Variants in MLYCD observed in about 807,000 individuals in gnomAD.
MLYCD encodes malonyl-CoA decarboxylase, mitochondrial.
Under a neutral mutation model 35.8 loss-of-function variants are expected in MLYCD, and 27 were observed. That is an observed-to-expected ratio of 0.75 (90% CI 0.56 to 1.04). MLYCD has a LOEUF of 1.04. Ranked by LOEUF, MLYCD falls within the 50% of genes least tolerant of loss-of-function variation. The probability of loss-of-function intolerance (pLI) is 0.00; values close to 1 mark genes in which losing one functional copy is unlikely to be tolerated. For synonymous variants in MLYCD, 403 were observed against 302.4 expected (o/e 1.33, Z -3.45); for missense variants, 917 against 665.1 (o/e 1.38, Z -4.17).
At chr16:83,910,772 A>T (rs1043420973) in intron 3 of MLYCD, among the ~76,000 whole-genome samples, 1 of 151,718 alleles carries the variant, frequency 6.6e-6, no homozygotes, top group African/African-American at 2.4e-5. Flanking sequence ...GAGCTCTTCC[A>T]TAGAGCACGG....
In MLYCD at chr16:83,902,581, T is replaced by A. The variant is rs147385404; in HGVS notation, c.528+2909T>A. 6.0e-3 allele frequency among the ~76,000 whole-genome samples: 900 copies of A among 149,286 alleles called. 14 individuals carry two copies. The highest frequency in any genetic ancestry group is 0.021 in the African/African-American group (856 of 40,834). On this transcript the variant is annotated intron_variant, in intron 1 of 4. Coordinates refer to ENST00000262430, the MANE Select transcript of MLYCD (RefSeq NM_012213.3). ...AGTGCAGCAGCACAATCTCTGCTCA[T>A]TGCAACCTTCGCCTCCCAGGTTCAA...
At position 83,921,871 on chromosome 16, in the gene MLYCD, T is replaced by C. The variant is rs551324198; in HGVS notation, c.*6382T>C. On this transcript the variant is annotated 3_prime_UTR_variant, in exon 5 of 5. Coordinates refer to ENST00000262430, the MANE Select transcript of MLYCD (RefSeq NM_012213.3). The stretch of plus-strand genomic sequence containing the variant: ...GGTCTGAGGGTGATAGGCTACTCAC[T>C]GGGTCCTAGTGTTCTGAACTACACC... 8 of 152,400 alleles carry C rather than the reference T, an allele frequency of 5.2e-5. 1 individual carries two copies. In the East Asian group the frequency reaches 1.4e-3, roughly 26 times the overall value. The allele number at this position is 152,400 out of a possible 1,614,324, so 9.4% of individuals were successfully genotyped here.
chr16:83,924,614 A>C lies in MLYCD; in HGVS notation c.*9125A>C, dbSNP rs1907750801. 1 of 152,198 alleles carries C rather than the reference A, an allele frequency of 6.6e-6. No individual in the cohort carries two copies. Among genetic ancestry groups the C allele is most frequent in the Admixed American group, 6.5e-5 (1 of 15,276 alleles). 9.4% of individuals were successfully genotyped at this position (152,198 alleles called of 1,614,324 possible). A position where few individuals can be genotyped will look rare whatever the true frequency, so the allele number is the denominator to read the frequency against. Reference sequence around the variant, plus strand: ...AGACAGCACCCCCTGAACGTGAGTTACTGCCTCCTTGAGCACTTTCGCAGG... The same window carrying C: ...AGACAGCACCCCCTGAACGTGAGTTCCTGCCTCCTTGAGCACTTTCGCAGG... On this transcript the variant is annotated 3_prime_UTR_variant, in exon 5 of 5. Transcript: ENST00000262430.
At position 83,922,156 on chromosome 16, in the gene MLYCD, C is replaced by T. The variant is rs978171578; in HGVS notation, c.*6667C>T. On this transcript the variant is annotated 3_prime_UTR_variant, in exon 5 of 5. Coordinates refer to ENST00000262430, the MANE Select transcript of MLYCD (RefSeq NM_012213.3). ...GCTGAAGTCACAACCCCACCCCTGC[C>T]ACAGAGCCTGCCCCCCCGAGTGTTC... 1.3e-5 allele frequency: 2 copies of T among 152,382 alleles called. No individual in the cohort carries two copies. The highest frequency in any genetic ancestry group is 2.4e-5 in the African/African-American group (1 of 41,442). The allele number at this position is 152,382 out of a possible 1,614,324, so 9.4% of individuals were successfully genotyped here.
rs753375749 is a variant in MLYCD, at chr16:83,927,027, C to T, written c.*11538C>T. The T allele has an allele frequency of 1.6e-5, 2 of 126,488 alleles. No individual in the cohort carries two copies. Among genetic ancestry groups the T allele is most frequent in the Non-Finnish European group, 3.4e-5 (2 of 58,660 alleles). 7.8% of individuals were successfully genotyped at this position (126,488 alleles called of 1,614,324 possible). A position where few individuals can be genotyped will look rare whatever the true frequency, so the allele number is the denominator to read the frequency against. ...AAAAATAAAAATAAAAAAATAAAAT[C>T]CTAACAGGTAGCATACCTGCACTCG... On this transcript the variant is annotated 3_prime_UTR_variant, in exon 5 of 5. Coordinates refer to ENST00000262430, the MANE Select transcript of MLYCD (RefSeq NM_012213.3).
chr16:83,913,073 G>A (rs1269639403), intron 4 of MLYCD: 1 of 158,896 alleles, frequency 6.3e-6, no homozygotes, highest in Non-Finnish European at 1.4e-5. Flanking sequence ...CTAATGACTG[G>A]CTCTGAGCAG....
At chr16:83,903,150 C>G (rs898081681) in intron 1 of MLYCD, among the ~76,000 whole-genome samples, 1 of 152,078 alleles carries the variant, frequency 6.6e-6, no homozygotes, top group African/African-American at 2.4e-5. Context: ...GAAAGGGTTC[C>G]TCATGGGCAG....
In MLYCD at chr16:83,908,104, C is replaced by T. The variant is rs764592901; in HGVS notation, c.642-22C>T. 19 of 1,614,000 alleles carry T rather than the reference C, an allele frequency of 1.2e-5. No homozygotes were observed. In the Admixed American group the frequency reaches 2.8e-4, roughly 24 times the overall value. ...CTTGTGAATTATGCATTTGTCTTGT[C>T]TCTTTATAAATTCCGCCCCAGGGCT... On this transcript the variant is annotated intron_variant, in intron 2 of 4. Transcript: ENST00000262430.
intron 3 of MLYCD, chr16:83,911,845 T>G: frequency 3.4e-6 from 1 of 296,384 alleles, no homozygotes; most frequent in South Asian, 3.3e-5. Flanking sequence ...GAACTGGAGC[T>G]GTTTGGTCTC....
rs771249439 is a variant in MLYCD at position 83,899,564 on chromosome 16, C to T, written c.420C>T (p.Leu140=). ...CGCTGGTGCCGCGCTATCGCGGCCTCTTCCACCACATCAGCAAGCTGGACG... is the reference window on the plus strand; with the variant it reads ...CGCTGGTGCCGCGCTATCGCGGCCTTTTCCACCACATCAGCAAGCTGGACG... ...RYALVPRYRG[L]FHHISKLDGG... is the part of the protein sequence containing the mutation. Residue 140 remains leucine (L), a synonymous_variant, in exon 1 of 5, where the codon CTC becomes CTT. Coordinates refer to ENST00000262430, the MANE Select transcript of MLYCD (RefSeq NM_012213.3). 3.8e-6 allele frequency: 6 copies of T among 1,593,332 alleles called. No homozygotes were observed. In the Admixed American group the frequency reaches 5.0e-5, roughly 13 times the overall value.
chr16:83,904,594 A>G (rs16962164), intron 1 of MLYCD, among the ~76,000 whole-genome samples: 9,882 of 152,286 alleles, frequency 0.065, 395 homozygotes, highest in East Asian at 0.14. Flanking sequence ...TGCTTTGCGA[A>G]CTATAAAAAT....
rs752228353 is a variant in MLYCD, at chr16:83,915,201, G to C, written c.1194G>C (p.Leu398=). 105 of 1,613,968 alleles carry C rather than the reference G, an allele frequency of 6.5e-5. No homozygotes were observed. The highest frequency in any genetic ancestry group is 8.7e-5 in the Non-Finnish European group (103 of 1,179,924). Reference sequence around the variant, plus strand: ...TGGTGCGGGCGCTGCAGACTCCGCTGATGAGGCTGTGCGCCTGGTACCTGT... The same window carrying C: ...TGGTGCGGGCGCTGCAGACTCCGCTCATGAGGCTGTGCGCCTGGTACCTGT... ...EKLVRALQTP[L]MRLCAWYLYG... Residue 398 remains leucine, a synonymous_variant, in exon 5 of 5, where the codon CTG becomes CTC. Transcript: ENST00000262430.
intron 4 of MLYCD, 154 bp from the exon 5 acceptor site, chr16:83,914,802 C>T (rs1016263767): frequency 2.6e-6 from 3 of 1,147,858 alleles, no homozygotes; most frequent in South Asian, 1.3e-5. Flanking sequence ...AGAAAAGCTG[C>T]TTGAAAGAAG....
rs1022493596 is a variant in MLYCD at position 83,916,189 on chromosome 16, A to T, written c.*700A>T. 7.1e-6 allele frequency: 7 copies of T among 989,188 alleles called. No homozygotes were observed. Among genetic ancestry groups the T allele is most frequent in the Non-Finnish European group, 8.4e-6 (7 of 831,216 alleles). 61.3% of individuals were successfully genotyped at this position (989,188 alleles called of 1,614,324 possible). On this transcript the variant is annotated 3_prime_UTR_variant, in exon 5 of 5. Coordinates refer to ENST00000262430, the MANE Select transcript of MLYCD (RefSeq NM_012213.3). The stretch of plus-strand genomic sequence containing the variant: ...TGTTCTGTAAAGCATTGAACATCTG[A>T]TTGTGTAGTGGTGGTCGTCTTTAAG...
intron 2 of MLYCD, 52 bp downstream of exon 2, chr16:83,907,151 T>G: frequency 6.9e-7 from 1 of 1,440,432 alleles, no homozygotes; most frequent in Non-Finnish European, 9.8e-7. Context: ...CATATATATT[T>G]GTGTATGTTT....
intron 3 of MLYCD, among the ~76,000 whole-genome samples, chr16:83,909,542 C>T (rs1231902691): frequency 6.6e-6 from 1 of 151,614 alleles, no homozygotes; most frequent in African/African-American, 2.4e-5. Context: ...TTGAGTAGTG[C>T]TCTGTGCCTG....
At chr16:83,908,306 A>C in intron 3 of MLYCD, 24 bp downstream of exon 3, 1 of 1,612,960 alleles carries the variant, frequency 6.2e-7, no homozygotes, top group Non-Finnish European at 8.5e-7. Context: ...TCAATTCGGG[A>C]CAAGATGGGC....
At position 83,919,639 on chromosome 16, in the gene MLYCD, GATGCAC is replaced by G. The variant is rs1907579438; in HGVS notation, c.*4151_*4156del. The G allele has an allele frequency of 7.1e-6, 1 of 141,496 alleles. No individual in the cohort carries two copies. Among genetic ancestry groups the G allele is most frequent in the African/African-American group, 2.7e-5 (1 of 36,594 alleles). 8.8% of individuals were successfully genotyped at this position (141,496 alleles called of 1,614,324 possible). A position where few individuals can be genotyped will look rare whatever the true frequency, so the allele number is the denominator to read the frequency against. On this transcript the variant is annotated 3_prime_UTR_variant, in exon 5 of 5. Transcript: ENST00000262430. The stretch of plus-strand genomic sequence containing the variant: ...ACACACGGGGCACAGGAGAACACAC[GATGCAC>G]GGAACACGGTGATCAGAACACGGTT...
chr16:83,901,564 T>C (rs921117789), intron 1 of MLYCD, among the ~76,000 whole-genome samples: 1 of 152,218 alleles, frequency 6.6e-6, no homozygotes, highest in African/African-American at 2.4e-5. Flanking sequence ...TTGGACAGCT[T>C]TGTCCCTCAT....
Sources: gnomAD v4.1 joint callset for allele counts (sites outside exome capture counted in the v4.1 genomes callset) on GRCh38, gnomAD v4.1.1 for gene constraint, MANE v1.5 for transcripts, NCBI Gene and HGNC (gene_info 2026-07-23, HGNC 2026-07-21) for gene names.